Variants in KCNF1 observed in about 807,000 individuals in gnomAD.
KCNF1 encodes voltage-gated potassium channel regulatory subunit KCNF1.
Under a neutral mutation model 28.6 loss-of-function variants are expected in KCNF1, and 9 were observed. The observed-to-expected ratio is 0.31, with a 90% CI of 0.19 to 0.55. The LOEUF is 0.55. Ranked by LOEUF, KCNF1 falls within the 20% of genes least tolerant of loss-of-function variation. The pLI is 0.93. For synonymous variants in KCNF1, 328 were observed against 299.6 expected (o/e 1.09, Z -0.98); for missense variants, 461 against 684.2 (o/e 0.67, Z 3.64).
rs750501152 is a variant in KCNF1 at position 10,913,935 on chromosome 2, T to C, written c.*24T>C. On this transcript the variant is annotated 3_prime_UTR_variant, in exon 1 of 1. Transcript: ENST00000295082. This position sits in a 1 kb window ranked among gnomAD's most constrained non-coding sequence, Gnocchi z 5.5. The stretch of plus-strand genomic sequence containing the variant: ...GACAGGAGGGCCCCTCAGGCAGAGA[T>C]GGACCAGGCGGTGGACAGATGGGTA... The C allele has an allele frequency of 6.6e-7, 1 of 1,519,836 alleles. No homozygotes were observed. The highest frequency in any genetic ancestry group is 2.3e-5 in the East Asian group (1 of 44,124). The allele number at this position is 1,519,836 out of a possible 1,614,324, so 94.1% of individuals were successfully genotyped here.
rs767407657 is a variant in KCNF1 at position 10,912,699 on chromosome 2, G to A, written c.273G>A (p.Glu91=). 6.2e-7 allele frequency: 1 copy of A among 1,614,174 alleles called. No individual in the cohort carries two copies. Among genetic ancestry groups the A allele is most frequent in the African/African-American group, 1.3e-5 (1 of 75,054 alleles). ...RDPDAFKCVI[E]VYYFGEVHMK... is the part of the protein sequence containing the mutation. ...CGGACGCCTTCAAGTGTGTCATCGA[G>A]GTGTACTATTTCGGGGAGGTCCACA... is the stretch of plus-strand genomic sequence containing the variant. Residue 91 remains glutamate (E), a synonymous_variant, in exon 1 of 1, where the codon GAG becomes GAA. Transcript: ENST00000295082. The surrounding 1 kb of genome is among the most constrained non-coding windows in gnomAD (Gnocchi z 7.9).
Position 10,913,167 on chromosome 2 carries a change from G to A in KCNF1, c.741G>A (p.Lys247=), listed in dbSNP as rs1468138849. The A allele has an allele frequency of 6.2e-7, 1 of 1,613,344 alleles. No homozygotes were observed. The highest frequency in any genetic ancestry group is 1.1e-5 in the South Asian group (1 of 91,092). The change falls in exon 1 of 1, where the codon AAG becomes AAA. Residue 247 remains lysine (K), a synonymous_variant. Coordinates refer to ENST00000295082, the MANE Select transcript of KCNF1 (RefSeq NM_002236.5). This position sits in a 1 kb window ranked among gnomAD's most constrained non-coding sequence, Gnocchi z 5.5. The part of the protein sequence containing the change: ...YLLRLFSSPN[K]LHFALSFMNI... ...TGCGCCTCTTCTCGTCACCCAACAA[G>A]CTGCACTTCGCGCTGTCCTTCATGA...
Position 10,914,096 on chromosome 2 carries a change from A to G in KCNF1, c.*185A>G. 1 of 621,400 alleles carries G rather than the reference A, an allele frequency of 1.6e-6. No individual in the cohort carries two copies. The highest frequency in any genetic ancestry group is 4.1e-5 in the South Asian group (1 of 24,564). The allele number at this position is 621,400 out of a possible 1,614,324, so 38.5% of individuals were successfully genotyped here. On this transcript the variant is annotated 3_prime_UTR_variant, in exon 1 of 1. Transcript: ENST00000295082. ...GACTCCTCTATGTTGCCTGCTGTCCAGGAGCCCGGGAGGGAGGGGTGTGCA... is the reference window on the plus strand; with the variant it reads ...GACTCCTCTATGTTGCCTGCTGTCCGGGAGCCCGGGAGGGAGGGGTGTGCA...
rs1272998512 is a variant in KCNF1 at position 10,912,154 on chromosome 2, T to C, written c.-273T>C. The C allele has an allele frequency of 6.7e-6, 1 of 149,644 alleles. No individual in the cohort carries two copies. Among genetic ancestry groups the C allele is most frequent in the Non-Finnish European group, 1.5e-5 (1 of 67,398 alleles). 9.3% of individuals were successfully genotyped at this position (149,644 alleles called of 1,614,324 possible). On this transcript the variant is annotated 5_prime_UTR_variant, in exon 1 of 1. Transcript: ENST00000295082. This position sits in a 1 kb window ranked among gnomAD's most constrained non-coding sequence, Gnocchi z 7.9. ...CGCGCCGCCAGCCAGCCGGGGTGAG[T>C]GCCCCGGGCGAGGCCGGCGGCCGCC...
Position 10,913,410 on chromosome 2 carries a change from C to T in KCNF1, c.984C>T (p.Leu328=), listed in dbSNP as rs750899294. The change falls in exon 1 of 1, where the codon CTC becomes CTT. Residue 328 remains leucine, a synonymous_variant. Transcript: ENST00000295082. This position sits in a 1 kb window ranked among gnomAD's most constrained non-coding sequence, Gnocchi z 5.5. ...KRSFKELGLL[L]MYLAVGIFVF... is the part of the protein sequence containing the mutation. ...GCTTCAAGGAACTGGGGCTGCTGCT[C>T]ATGTACCTGGCAGTGGGTATCTTCG... 41 of 1,614,034 alleles carry T rather than the reference C, an allele frequency of 2.5e-5. No individual in the cohort carries two copies. The highest frequency in any genetic ancestry group is 6.6e-5 in the South Asian group (6 of 91,090).
rs1158607306 is a variant in KCNF1 at position 10,912,278 on chromosome 2, C to G, written c.-149C>G. ...CGGCGCGCCCCCGCAGGCTGCTGCC[C>G]GCTGTGACCGCCCTTCCCCGCAGGC... On this transcript the variant is annotated 5_prime_UTR_variant, in exon 1 of 1. Coordinates refer to ENST00000295082, the MANE Select transcript of KCNF1 (RefSeq NM_002236.5). This position sits in a 1 kb window ranked among gnomAD's most constrained non-coding sequence, Gnocchi z 7.9. 5 of 463,482 alleles carry G rather than the reference C, an allele frequency of 1.1e-5. No homozygotes were observed. Among genetic ancestry groups the G allele is most frequent in the Non-Finnish European group, 1.5e-5 (5 of 324,106 alleles). The allele number at this position is 463,482 out of a possible 1,614,324, so 28.7% of individuals were successfully genotyped here. A position where few individuals can be genotyped will look rare whatever the true frequency, so the allele number is the denominator to read the frequency against.
In KCNF1 at chr2:10,912,219, C is replaced by T; in HGVS notation, c.-208C>T. On this transcript the variant is annotated 5_prime_UTR_variant, in exon 1 of 1. Transcript: ENST00000295082. This position sits in a 1 kb window ranked among gnomAD's most constrained non-coding sequence, Gnocchi z 7.9. Reference sequence around the variant, plus strand: ...CTCGCCCGGGCGCCCGGATGCCAGCCCCGAGCCCCGCCGCCGGGTGCATGC... The same window carrying T: ...CTCGCCCGGGCGCCCGGATGCCAGCTCCGAGCCCCGCCGCCGGGTGCATGC... 5.8e-6 allele frequency: 1 copy of T among 173,254 alleles called. No homozygotes were observed. The highest frequency in any genetic ancestry group is 6.6e-5 in the Admixed American group (1 of 15,226). 10.7% of individuals were successfully genotyped at this position (173,254 alleles called of 1,614,324 possible). A position where few individuals can be genotyped will look rare whatever the true frequency, so the allele number is the denominator to read the frequency against.
chr2:10,913,065 G>A lies in KCNF1; in HGVS notation c.639G>A (p.Glu213=). The change falls in exon 1 of 1, where the codon GAG becomes GAA. Residue 213 remains glutamate, a synonymous_variant. Transcript: ENST00000295082. The surrounding 1 kb of genome is among the most constrained non-coding windows in gnomAD (Gnocchi z 5.5). ...CCGAGCTGCAGGTGCTGGACGCCGA[G>A]GGCAACCGCGTGGAGCACCCGACGC... ...TIPELQVLDA[E]GNRVEHPTLE... The A allele has an allele frequency of 1.2e-6, 2 of 1,605,930 alleles. No homozygotes were observed. Among genetic ancestry groups the A allele is most frequent in the South Asian group, 1.1e-5 (1 of 91,088 alleles).
chr2:10,913,382 G>A lies in KCNF1; in HGVS notation c.956G>A (p.Arg319His), dbSNP rs1357532034. 2.5e-6 allele frequency: 4 copies of A among 1,613,832 alleles called. No individual in the cohort carries two copies. Among genetic ancestry groups the A allele is most frequent in the Non-Finnish European group, 2.5e-6 (3 of 1,179,894 alleles). Residue 319 changes from arginine (R) to histidine (H), a missense_variant, in exon 1 of 1, where the codon CGC (arginine) becomes CAC (histidine). Around this residue, in one of 4 missense-constraint regions of KCNF1, gnomAD observed 115 missense variants for 261.6 expected, o/e 0.44. Transcript: ENST00000295082. This position sits in a 1 kb window ranked among gnomAD's most constrained non-coding sequence, Gnocchi z 5.5. Reference protein sequence around the residue: ...GLQTLTYALKRSFKELGLLLM... With the variant: ...GLQTLTYALKHSFKELGLLLM... ...CAGACCCTCACCTATGCCCTCAAGCGCAGCTTCAAGGAACTGGGGCTGCTG... is the reference window on the plus strand; with the variant it reads ...CAGACCCTCACCTATGCCCTCAAGCACAGCTTCAAGGAACTGGGGCTGCTG...
In KCNF1 at chr2:10,914,207, A is replaced by C; in HGVS notation, c.*296A>C. ...GCCCGCTTCTGTATCTCCCTCAATA[A>C]AGCCTCCTGCTCTGTGCACCCTCCG... On this transcript the variant is annotated 3_prime_UTR_variant, in exon 1 of 1. Coordinates refer to ENST00000295082, the MANE Select transcript of KCNF1 (RefSeq NM_002236.5). The C allele has an allele frequency of 4.7e-5, 15 of 319,492 alleles. No individual in the cohort carries two copies. Among genetic ancestry groups the C allele is most frequent in the Non-Finnish European group, 5.9e-5 (10 of 168,314 alleles). 19.8% of individuals were successfully genotyped at this position (319,492 alleles called of 1,614,324 possible). A position where few individuals can be genotyped will look rare whatever the true frequency, so the allele number is the denominator to read the frequency against.
chr2:10,912,973 G>T lies in KCNF1; in HGVS notation c.547G>T (p.Val183Leu), dbSNP rs1661562565. 5.6e-6 allele frequency: 9 copies of T among 1,603,284 alleles called. No homozygotes were observed. The highest frequency in any genetic ancestry group is 7.6e-6 in the Non-Finnish European group (9 of 1,179,820). ...EKPESSCPAR[V>L]VAVLSFLLIL... ...GCCCGAGTCGTCGTGCCCGGCGCGG[G>T]TGGTGGCCGTGCTCTCCTTCCTGCT... The change falls in exon 1 of 1, where the codon GTG becomes TTG. Residue 183 changes from valine (V) to leucine (L), a missense_variant. This residue lies in a region of KCNF1 where 193 missense variants were observed against 280.6 expected (regional missense o/e 0.69). Transcript: ENST00000295082. The surrounding 1 kb of genome is among the most constrained non-coding windows in gnomAD (Gnocchi z 7.9).
At position 10,912,101 on chromosome 2, in the gene KCNF1, C is replaced by T. The variant is rs944961316; in HGVS notation, c.-326C>T. Reference sequence around the variant, plus strand: ...GCCGCCCACGAGGAGACCCCGCTCCCGCAGGAGGCCGAGCTGAAGCGGCGG... The same window carrying T: ...GCCGCCCACGAGGAGACCCCGCTCCTGCAGGAGGCCGAGCTGAAGCGGCGG... On this transcript the variant is annotated 5_prime_UTR_variant, in exon 1 of 1. Transcript: ENST00000295082. This position sits in a 1 kb window ranked among gnomAD's most constrained non-coding sequence, Gnocchi z 7.9. The T allele has an allele frequency of 4.0e-5, 6 of 151,496 alleles. No individual in the cohort carries two copies. The highest frequency in any genetic ancestry group is 7.4e-5 in the Non-Finnish European group (5 of 67,838). The allele number at this position is 151,496 out of a possible 1,614,324, so 9.4% of individuals were successfully genotyped here. A position where few individuals can be genotyped will look rare whatever the true frequency, so the allele number is the denominator to read the frequency against.
rs1467137680 is a variant in KCNF1, at chr2:10,912,568, C to T, written c.142C>T (p.Arg48Trp). Reference protein sequence around the residue: ...GDLLSQYPETRLAELINCLAG... With the variant: ...GDLLSQYPETWLAELINCLAG... ...CCTCCTCAGTCAGTACCCTGAGACCCGGCTGGCGGAGCTCATCAACTGCTT... is the reference window on the plus strand; with the variant it reads ...CCTCCTCAGTCAGTACCCTGAGACCTGGCTGGCGGAGCTCATCAACTGCTT... Residue 48 changes from arginine to tryptophan, a missense_variant, in exon 1 of 1, where the codon CGG becomes TGG. Transcript: ENST00000295082. The surrounding 1 kb of genome is among the most constrained non-coding windows in gnomAD (Gnocchi z 7.9). The T allele has an allele frequency of 1.2e-6, 2 of 1,611,416 alleles. No homozygotes were observed. Among genetic ancestry groups the T allele is most frequent in the African/African-American group, 1.3e-5 (1 of 74,886 alleles).
chr2:10,913,286 A>C lies in KCNF1; in HGVS notation c.860A>C (p.Gln287Pro). The change falls in exon 1 of 1, where the codon CAG becomes CCG. Residue 287 changes from glutamine (Q) to proline (P), a missense_variant. By Grantham distance (76) the Gln-to-Pro change is moderately conservative (BLOSUM62 -1). This residue lies in a region of KCNF1 where 115 missense variants were observed against 261.6 expected (regional missense o/e 0.44). Transcript: ENST00000295082. The surrounding 1 kb of genome is among the most constrained non-coding windows in gnomAD (Gnocchi z 5.5). ...ARMMELTNVQ[Q>P]AVQALRIMRI... ...ATGATGGAGCTGACCAACGTGCAGC[A>C]GGCCGTGCAGGCGCTGCGGATCATG... The C allele has an allele frequency of 6.2e-7, 1 of 1,613,368 alleles. No homozygotes were observed. Among genetic ancestry groups the C allele is most frequent in the Non-Finnish European group, 8.5e-7 (1 of 1,179,958 alleles).
At position 10,913,494 on chromosome 2, in the gene KCNF1, C is replaced by T; in HGVS notation, c.1068C>T (p.Ser356=). Residue 356 remains serine (S), a synonymous_variant, in exon 1 of 1, where the codon AGC becomes AGT. Coordinates refer to ENST00000295082, the MANE Select transcript of KCNF1 (RefSeq NM_002236.5). This position sits in a 1 kb window ranked among gnomAD's most constrained non-coding sequence, Gnocchi z 5.5. ...GCCATCCAGAGACCCTGTTTAAGAG[C>T]ATCCCCCAGTCCTTCTGGTGGGCCA... is the stretch of plus-strand genomic sequence containing the variant. ...EQSHPETLFK[S]IPQSFWWAII... is the part of the protein sequence containing the mutation. 3 of 1,614,212 alleles carry T rather than the reference C, an allele frequency of 1.9e-6. No homozygotes were observed. In the South Asian group the frequency reaches 3.3e-5, roughly 18 times the overall value.
In KCNF1 at chr2:10,912,760, G is replaced by T; in HGVS notation, c.334G>T (p.Glu112Ter). The change falls in exon 1 of 1, where the codon GAG becomes TAG. Residue 112 changes from glutamate (E) to a stop codon, truncating the protein, a stop_gained. Coordinates refer to ENST00000295082, the MANE Select transcript of KCNF1 (RefSeq NM_002236.5). LOFTEE classifies it high-confidence loss of function. This position sits in a 1 kb window ranked among gnomAD's most constrained non-coding sequence, Gnocchi z 7.9. ...CATCTGCCCCATCTGCTTCAAGAAC[G>T]AGATGGACTTCTGGAAGGTGGACCT... ...KGICPICFKN[E>*]MDFWKVDLKF... is the part of the protein sequence containing the mutation. 1 of 1,614,130 alleles carries T rather than the reference G, an allele frequency of 6.2e-7. No individual in the cohort carries two copies. Among genetic ancestry groups the T allele is most frequent in the Non-Finnish European group, 8.5e-7 (1 of 1,180,024 alleles).
chr2:10,913,608 T>C lies in KCNF1; in HGVS notation c.1182T>C (p.Gly394=). ...KLNAAISFLC[G]VIAIALPIHP... ...ACGCGGCCATCAGCTTCTTGTGTGG[T>C]GTCATCGCCATCGCCCTGCCCATCC... is the stretch of plus-strand genomic sequence containing the variant. The change falls in exon 1 of 1, where the codon GGT becomes GGC. Residue 394 remains glycine (G), a synonymous_variant. Transcript: ENST00000295082. The surrounding 1 kb of genome is among the most constrained non-coding windows in gnomAD (Gnocchi z 5.5). 1 of 1,613,428 alleles carries C rather than the reference T, an allele frequency of 6.2e-7. No individual in the cohort carries two copies. Among genetic ancestry groups the C allele is most frequent in the Non-Finnish European group, 8.5e-7 (1 of 1,179,918 alleles).
chr2:10,912,813 C>T lies in KCNF1; in HGVS notation c.387C>T (p.Ser129=), dbSNP rs995134764. The T allele has an allele frequency of 8.7e-6, 14 of 1,613,832 alleles. No individual in the cohort carries two copies. The South Asian group carries it at 1.1e-4, about 13-fold the overall frequency. Residue 129 remains serine (S), a synonymous_variant, in exon 1 of 1, where the codon AGC becomes AGT. Transcript: ENST00000295082. This position sits in a 1 kb window ranked among gnomAD's most constrained non-coding sequence, Gnocchi z 7.9. ...AGTTCCTGGACGACTGTTGCAAGAGCCACCTGAGCGAGAAGCGCGAGGAGC... is the reference window on the plus strand; with the variant it reads ...AGTTCCTGGACGACTGTTGCAAGAGTCACCTGAGCGAGAAGCGCGAGGAGC... The part of the protein sequence containing the change: ...DLKFLDDCCK[S]HLSEKREELE...
Position 10,912,649 on chromosome 2 carries a change from C to A in KCNF1, c.223C>A (p.Arg75Ser), listed in dbSNP as rs762076343. The change falls in exon 1 of 1, where the codon CGC (arginine) becomes AGC (serine). Residue 75 changes from arginine (R) to serine (S), a missense_variant. By Grantham distance (110) the Arg-to-Ser change is moderately radical. Around this residue, in one of 4 missense-constraint regions of KCNF1, gnomAD observed 193 missense variants for 280.6 expected, o/e 0.69. Coordinates refer to ENST00000295082, the MANE Select transcript of KCNF1 (RefSeq NM_002236.5). The surrounding 1 kb of genome is among the most constrained non-coding windows in gnomAD (Gnocchi z 7.9). The part of the protein sequence containing the change: ...SLCDDYDPGK[R>S]EFYFDRDPDA... ...GTGCGACGACTACGACCCCGGCAAGCGCGAGTTCTACTTTGACAGGGACCC... is the reference window on the plus strand; with the variant it reads ...GTGCGACGACTACGACCCCGGCAAGAGCGAGTTCTACTTTGACAGGGACCC... 1.9e-6 allele frequency: 3 copies of A among 1,613,842 alleles called. No homozygotes were observed. The highest frequency in any genetic ancestry group is 1.3e-5 in the African/African-American group (1 of 74,904).
Sources: allele counts gnomAD v4.1 joint callset, GRCh38; gene constraint gnomAD v4.1.1; regional missense constraint gnomAD v4.1.1; non-coding constraint Gnocchi (gnomAD v3.1); transcripts MANE v1.5; gene names NCBI Gene and HGNC (gene_info 2026-07-23, HGNC 2026-07-21).